The following DMD variants were observed in gnomAD, a reference collection of about 807,000 sequenced individuals.
DMD encodes dystrophin.
In DMD, 63 loss-of-function variants were observed where a neutral mutation model predicts 330.1. The ratio of observed to expected loss-of-function variants is 0.19; its 90% CI spans 0.16 to 0.24. DMD has a LOEUF of 0.24. Ranked by LOEUF, DMD falls within the 10% of genes least tolerant of loss-of-function variation. The pLI is 1.00. For synonymous variants in DMD, 1,223 were observed against 959.8 expected (o/e 1.27, Z -5.07); for missense variants, 3,344 against 2,684.1 (o/e 1.25, Z -5.43).
chrX:32,491,371 T>A lies in DMD; in HGVS notation c.2528A>T (p.Glu843Val), dbSNP rs202167701. ...IAFYNQLQQL[E>V]QMTTTAENWL... ...GTTTTCAGCAGTAGTTGTCATCTGCTCCAATTGTTGTAGCTGATTATAGAA... is the reference window on the plus strand; with the variant it reads ...GTTTTCAGCAGTAGTTGTCATCTGCACCAATTGTTGTAGCTGATTATAGAA... The change falls in exon 20 of 79, where the codon GAG (glutamate) becomes GTG (valine). Residue 843 changes from glutamate to valine, a missense_variant. Glu to Val is a moderately radical substitution (Grantham distance 121). Transcript: ENST00000357033. 9 of 1,209,713 alleles carry A rather than the reference T, an allele frequency of 7.4e-6. No homozygotes were observed. Among genetic ancestry groups the A allele is most frequent in the Non-Finnish European group, 1.0e-5 (9 of 895,181 alleles).
chrX:31,551,821 C>T (rs1473237861), intron 55 of DMD, among the ~76,000 whole-genome samples: 1 of 112,124 alleles, frequency 8.9e-6, no homozygotes, highest in Non-Finnish European at 1.9e-5. Context: ...GATCTGTACT[C>T]ACTTGCATTT....
intron 48 of DMD, among the ~76,000 whole-genome samples, chrX:31,854,867 T>G (rs1371757792): frequency 9.0e-6 from 1 of 111,407 alleles, no homozygotes; most frequent in Non-Finnish European, 1.9e-5. Flanking sequence ...GCAGGGTGTT[T>G]TGCAGCATGC....
At chrX:31,397,842 T>A (rs778491437) in intron 60 of DMD, among the ~76,000 whole-genome samples, 8 of 112,310 alleles carry the variant, frequency 7.1e-5, no homozygotes, top group Non-Finnish European at 1.5e-4. Flanking sequence ...CAAAGTTTCC[T>A]TCTCTCACTT....
In DMD at chrX:32,169,377, A is replaced by G. The variant is rs1490118185; in HGVS notation, c.6438+47539T>C. ...CTCATCACTATGCATAATTTTTATT[A>G]TAGATTTGTCCCTTGAGGTCCAGAA... is the stretch of plus-strand genomic sequence containing the variant. On this transcript the variant is annotated intron_variant, in intron 44 of 78. Coordinates refer to ENST00000357033, the MANE Select transcript of DMD (RefSeq NM_004006.3). Among the ~76,000 whole-genome samples the G allele has an allele frequency of 2.7e-5, 3 of 112,005 alleles. 1 individual carries two copies. Among genetic ancestry groups the G allele is most frequent in the Non-Finnish European group, 5.6e-5 (3 of 53,252 alleles).
intron 44 of DMD, among the ~76,000 whole-genome samples, chrX:32,120,233 C>A (rs2096629091): frequency 8.9e-6 from 1 of 112,083 alleles, no homozygotes; most frequent in Non-Finnish European, 1.9e-5. Flanking sequence ...TATATGGTTT[C>A]TTATAGCCTA....
chrX:31,381,647 A>G (rs1653914549), intron 60 of DMD, among the ~76,000 whole-genome samples: 1 of 110,390 alleles, frequency 9.1e-6, no homozygotes. Context: ...CCATTTCCCC[A>G]TATTTCCTTC....
chrX:32,133,564 T>A (rs1247590978), intron 44 of DMD, among the ~76,000 whole-genome samples: 1 of 111,509 alleles, frequency 9.0e-6, no homozygotes, highest in Non-Finnish European at 1.9e-5. Flanking sequence ...GATATCCAAA[T>A]TTAATGCCTC....
intron 1 of DMD, among the ~76,000 whole-genome samples, chrX:33,070,673 C>CTCTCTATATATA (rs1192910156): frequency 2.8e-5 from 1 of 35,656 alleles, no homozygotes; most frequent in Non-Finnish European, 4.5e-5. Flanking sequence ...CTCTCTCTCT[C>CTCTCTATATATA]TATATATATA....
chrX:32,623,232 G>C (rs759064539), intron 11 of DMD, among the ~76,000 whole-genome samples: 2 of 111,844 alleles, frequency 1.8e-5, no homozygotes, highest in Non-Finnish European at 3.8e-5. Flanking sequence ...GTGAATTATA[G>C]GCCAGAGTTT....
At chrX:31,606,034 C>G (rs150698559) in intron 55 of DMD, among the ~76,000 whole-genome samples, 7,403 of 111,052 alleles carry the variant, frequency 0.067, 196 homozygotes, top group African/African-American at 0.1. Context: ...AGGGAGAGAC[C>G]AGGTGGAGGT....
chrX:32,401,879 T>C (rs2098088083), intron 30 of DMD, among the ~76,000 whole-genome samples: 1 of 112,374 alleles, frequency 8.9e-6, no homozygotes, highest in Non-Finnish European at 1.9e-5. Flanking sequence ...TAACGTATTT[T>C]CAAGTAATTA....
intron 52 of DMD, among the ~76,000 whole-genome samples, chrX:31,705,960 A>C (rs1486163473): frequency 9.0e-6 from 1 of 111,484 alleles, no homozygotes; most frequent in Non-Finnish European, 1.9e-5. Context: ...CATTCAGGAA[A>C]GGTTATATTA....
chrX:31,813,343 TG>T (rs1322437186), intron 50 of DMD, among the ~76,000 whole-genome samples: 1 of 111,998 alleles, frequency 8.9e-6, no homozygotes, highest in Non-Finnish European at 1.9e-5. Flanking sequence ...CATCTTGAAT[TG>T]TAACTCCAAT....
chrX:32,489,267 A>G (rs1322627691), intron 20 of DMD, among the ~76,000 whole-genome samples: 1 of 108,292 alleles, frequency 9.2e-6, no homozygotes, highest in Non-Finnish European at 1.9e-5. Context: ...AGTCCTAACC[A>G]TTGGTGAGAC....
Position 32,217,697 on chromosome X carries a change from A to ACTG in DMD, c.6291-635_6291-634insCAG, listed in dbSNP as rs1412045055. Among the ~76,000 whole-genome samples the ACTG allele has an allele frequency of 3.7e-3, 409 of 110,802 alleles. 3 individuals carry two copies. Among genetic ancestry groups the ACTG allele is most frequent in the African/African-American group, 0.013 (398 of 30,187 alleles). On this transcript the variant is annotated intron_variant, in intron 43 of 78. Coordinates refer to ENST00000357033, the MANE Select transcript of DMD (RefSeq NM_004006.3). ...TTTGAGGCTATGGATCTGCCAAGAA[A>ACTG]CCTGATTTGATCATTACACAATGAA...
intron 60 of DMD, among the ~76,000 whole-genome samples, chrX:31,362,950 AAAAAAC>A (rs935196809): frequency 4.4e-5 from 5 of 112,380 alleles, no homozygotes; most frequent in African/African-American, 1.3e-4. Context: ...ACACCGTCTC[AAAAAAC>A]AAAAACAAAA....
intron 1 of DMD, among the ~76,000 whole-genome samples, chrX:33,322,402 C>T (rs987062096): frequency 9.1e-6 from 1 of 109,558 alleles, no homozygotes; most frequent in Non-Finnish European, 1.9e-5. Flanking sequence ...GTGGGGGTGG[C>T]CGGTTGGTAG....
At chrX:33,251,925 G>C (rs979748397) in intron 1 of DMD, among the ~76,000 whole-genome samples, 38 of 112,292 alleles carry the variant, frequency 3.4e-4, no homozygotes, top group African/African-American at 1.1e-3. Context: ...GATACCCTTA[G>C]AGCTACAATA....
rs774675964 is a variant in DMD at position 32,491,506 on chromosome X, G to T, written c.2393C>A (p.Ala798Glu). 2 of 1,208,876 alleles carry T rather than the reference G, an allele frequency of 1.7e-6. No individual in the cohort carries two copies. Among genetic ancestry groups the T allele is most frequent in the South Asian group, 3.5e-5 (2 of 56,718 alleles). Residue 798 changes from alanine to glutamate, a missense_variant, in exon 20 of 79, where the codon GCA becomes GAA. Physicochemically the swap from Ala to Glu is moderately radical, Grantham distance 107. Transcript: ENST00000357033. Reference sequence around the variant, plus strand: ...TTCTGAGGCTTGTTTGATGCTATCTGCATTAACACCCTCTAGAAAGAAAAA... The same window carrying T: ...TTCTGAGGCTTGTTTGATGCTATCTTCATTAACACCCTCTAGAAAGAAAAA... Reference protein sequence around the residue: ...VEQMVNEGVNADSIKQASEQL... With the variant: ...VEQMVNEGVNEDSIKQASEQL...
Sources: allele counts gnomAD v4.1 joint callset (sites outside exome capture counted in the v4.1 genomes callset), GRCh38; gene constraint gnomAD v4.1.1; transcripts MANE v1.5; gene names NCBI Gene and HGNC (gene_info 2026-07-23, HGNC 2026-07-21).